The following SLC44A2 variants were observed in gnomAD, a reference collection of about 807,000 sequenced individuals.
The protein encoded by SLC44A2 is solute carrier family 44 member 2 (CTL2 blood group).
A neutral mutation model predicts 90.8 loss-of-function variants in SLC44A2; 57 were observed. That is an observed-to-expected ratio of 0.63 (90% CI 0.51 to 0.78). The LOEUF (loss-of-function observed/expected upper bound fraction) is 0.78, where lower values mean the gene tolerates loss of function less well. Among genes scored for constraint, SLC44A2 ranks in the 30% least tolerant of loss-of-function variants. The pLI is 0.00. For missense variants in SLC44A2, 794 were observed against 919.7 expected, an observed-to-expected ratio of 0.86 and a Z score of 1.77; for synonymous variants, 355 against 360.7, an observed-to-expected ratio of 0.98 and a Z score of 0.18.
At chr19:10,630,659 T>A (rs1412520422) in intron 4 of SLC44A2, among the ~76,000 whole-genome samples, 3 of 130,096 alleles carry the variant, frequency 2.3e-5, no homozygotes, top group Admixed American at 8.0e-5. Context: ...GGACTCCATC[T>A]AAAAAAAAAA....
chr19:10,626,202 G>T (rs1346151047), intron 1 of SLC44A2, 51 bp from the exon 2 acceptor site: 4 of 1,480,528 alleles, frequency 2.7e-6, no homozygotes, highest in Non-Finnish European at 2.8e-6. Context: ...TCCCAGCCCT[G>T]TCTTGGTTCA....
chr19:10,607,391 G>T (rs1427490656), intron 1 of SLC44A2, among the ~76,000 whole-genome samples: 2 of 152,002 alleles, frequency 1.3e-5, no homozygotes, highest in Non-Finnish European at 2.9e-5. Flanking sequence ...TGTCACCCAG[G>T]CTGGGCTAGA....
intron 1 of SLC44A2, among the ~76,000 whole-genome samples, chr19:10,609,001 A>G (rs1255310028): frequency 2.5e-5 from 3 of 122,420 alleles, no homozygotes; most frequent in African/African-American, 9.5e-5. Context: ...TCTGTTGCCC[A>G]GGCTGGAGAG....
At chr19:10,641,301 G>A in intron 20 of SLC44A2, 1 of 393,468 alleles carries the variant, frequency 2.5e-6, no homozygotes, top group Non-Finnish European at 5.0e-6. Flanking sequence ...GCCTGAGGTG[G>A]AAGGATCACT....
chr19:10,636,264 A>G, intron 14 of SLC44A2, 59 bp from the exon 15 acceptor site: 1 of 1,558,636 alleles, frequency 6.4e-7, no homozygotes, highest in South Asian at 1.2e-5. Context: ...TGATGCTCAG[A>G]GCCCACTGTG....
chr19:10,636,640 C>T (rs969306005), intron 15 of SLC44A2, 22 bp from the exon 16 acceptor site: 4 of 1,609,186 alleles, frequency 2.5e-6, no homozygotes, highest in African/African-American at 1.3e-5. Flanking sequence ...GCCCAGCCAC[C>T]GACCACTCCC....
chr19:10,602,482 G>A (rs1008916282), upstream of SLC44A2: 2 of 1,197,038 alleles, frequency 1.7e-6, no homozygotes, highest in African/African-American at 1.6e-5. Context: ...CCGCCCGCCC[G>A]GGCTGGGGTC....
chr19:10,639,148 G>C (rs1303582628), intron 20 of SLC44A2, among the ~76,000 whole-genome samples: 1 of 152,110 alleles, frequency 6.6e-6, no homozygotes, highest in Non-Finnish European at 1.5e-5. Flanking sequence ...TGGCTGGGCT[G>C]GTCTCAAACT....
At chr19:10,633,710 G>C (rs1344436247) in intron 10 of SLC44A2, among the ~76,000 whole-genome samples, 1 of 152,148 alleles carries the variant, frequency 6.6e-6, no homozygotes, top group Non-Finnish European at 1.5e-5. Context: ...TCCCGCCTTG[G>C]CCTCCCTAAG....
At chr19:10,623,878 C>T (rs1056870833), upstream of SLC44A2, among the ~76,000 whole-genome samples, 10 of 151,930 alleles carry the variant, frequency 6.6e-5, no homozygotes, top group African/African-American at 2.2e-4. Flanking sequence ...TTAGTACAGA[C>T]AGGGTTTTGC....
At chr19:10,631,787 G>T (rs1560709) in intron 8 of SLC44A2, 38 bp downstream of exon 8, 1,261,988 of 1,613,726 alleles carry the variant, frequency 0.78, 494,633 homozygotes, top group Admixed American at 0.86. Context: ...GTCTCACTTT[G>T]CTGGGTGGGA....
intron 4 of SLC44A2, among the ~76,000 whole-genome samples, chr19:10,629,464 G>A (rs1057179426): frequency 6.6e-6 from 1 of 151,326 alleles, no homozygotes; most frequent in Non-Finnish European, 1.5e-5. Flanking sequence ...TTTTAGTAGA[G>A]ACGGGGTTTC....
chr19:10,634,780 A>G lies in SLC44A2; in HGVS notation c.848A>G (p.Tyr283Cys). The change falls in exon 11 of 22, where the codon TAC becomes TGC. Residue 283 changes from tyrosine to cysteine, a missense_variant. Physicochemically the swap from Tyr to Cys is radical, Grantham distance 194. Transcript: ENST00000335757. ...GGAATATTTCACTGCTACATGGAGT[A>G]CTCCCGACTGCGTGGTGAGGCCGGC... ...GYGIFHCYME[Y>C]SRLRGEAGSD... 1 of 1,614,080 alleles carries G rather than the reference A, an allele frequency of 6.2e-7. No individual in the cohort carries two copies. The highest frequency in any genetic ancestry group is 1.1e-5 in the South Asian group (1 of 91,076).
chr19:10,635,476 C>T lies in SLC44A2; in HGVS notation c.1194C>T (p.Asp398=). Reference sequence around the variant, plus strand: ...AAGCGGTCTATAAGATCTTTGATGACAGCCCCTGCCCATTTACTGCGAAAA... The same window carrying T: ...AAGCGGTCTATAAGATCTTTGATGATAGCCCCTGCCCATTTACTGCGAAAA... ...SNEAVYKIFD[D]SPCPFTAKTC... The change falls in exon 14 of 22, where the codon GAC becomes GAT. Residue 398 remains aspartate (D), a synonymous_variant. Transcript: ENST00000335757. 2.5e-6 allele frequency: 4 copies of T among 1,614,018 alleles called. No homozygotes were observed. The highest frequency in any genetic ancestry group is 1.7e-5 in the Admixed American group (1 of 59,904).
At chr19:10,629,442 T>A (rs2066970298) in intron 4 of SLC44A2, among the ~76,000 whole-genome samples, 1 of 151,160 alleles carries the variant, frequency 6.6e-6, no homozygotes, top group African/African-American at 2.4e-5. Flanking sequence ...CATGCCCAGC[T>A]AATTTTTGTA....
rs761154462 is a variant in SLC44A2, at chr19:10,627,731, G to A, written c.96G>A (p.Thr32=). The change falls in exon 3 of 22, where the codon ACG becomes ACA. Residue 32 remains threonine (T), a synonymous_variant. Transcript: ENST00000335757. The stretch of plus-strand genomic sequence containing the variant: ...CCCCTCTGCTCCCCAGGGGCTGCAC[G>A]GATATCATATGCTGTGTGTTCCTGC... ...FKGPIYNRGC[T]DIICCVFLLL... 9 of 1,613,188 alleles carry A rather than the reference G, an allele frequency of 5.6e-6. No homozygotes were observed. The African/African-American group carries it at 6.7e-5, about 12-fold the overall frequency.
intron 1 of SLC44A2, among the ~76,000 whole-genome samples, chr19:10,608,725 C>CT (rs1227992616): frequency 2.6e-5 from 4 of 151,838 alleles, no homozygotes; most frequent in African/African-American, 9.7e-5. Context: ...TCTCGGCTCA[C>CT]TGCAACCTCT....
At position 10,632,154 on chromosome 19, in the gene SLC44A2, A is replaced by G. The variant is rs2067003634; in HGVS notation, c.821A>G (p.Tyr274Cys). 1.2e-6 allele frequency: 2 copies of G among 1,611,944 alleles called. No individual in the cohort carries two copies. The highest frequency in any genetic ancestry group is 1.1e-5 in the South Asian group (1 of 91,036). ...MIIMVILVLG[Y>C]GIFHCYMEYS... ...ATCATGGTGATTCTGGTGCTGGGCT[A>G]CGGTGCGTCACCCCCTCCCTGTGGC... The change falls in exon 10 of 22, where the codon TAC becomes TGC. Residue 274 changes from tyrosine to cysteine, a missense_variant and splice_region_variant. Tyr to Cys is a radical substitution (Grantham distance 194, BLOSUM62 -2). Coordinates refer to ENST00000335757, the MANE Select transcript of SLC44A2 (RefSeq NM_020428.4).
At position 10,631,452 on chromosome 19, in the gene SLC44A2, C is replaced by T. The variant is rs369733388; in HGVS notation, c.442-23C>T. On this transcript the variant is annotated intron_variant, in intron 6 of 21. Transcript: ENST00000335757. ...GCAGTGTACTAGACTTGGGGACTCA[C>T]CTCCCTCCATCTCTCTTGGCAGGGA... 8.1e-6 allele frequency: 13 copies of T among 1,613,962 alleles called. No homozygotes were observed. In the African/African-American group the frequency reaches 1.7e-4, roughly 22 times the overall value.
Sources: gnomAD v4.1 joint callset for allele counts (sites outside exome capture counted in the v4.1 genomes callset) on GRCh38, gnomAD v4.1.1 for gene constraint, MANE v1.5 for transcripts, NCBI Gene and HGNC (gene_info 2026-07-23, HGNC 2026-07-21) for gene names.